OLFM2: variants seen among roughly 807,000 people sequenced by gnomAD.
The protein encoded by OLFM2 is noelin-2.
In OLFM2, 20 loss-of-function variants were observed where a neutral mutation model predicts 43.9. That is an observed-to-expected ratio of 0.46 (90% CI 0.32 to 0.66). The LOEUF (loss-of-function observed/expected upper bound fraction) is 0.66, where lower values mean the gene tolerates loss of function less well. Among genes scored for constraint, OLFM2 ranks in the 30% least tolerant of loss-of-function variants. OLFM2 has a pLI of 0.04. For synonymous variants in OLFM2, 268 were observed against 278.6 expected (o/e 0.96, Z 0.38); for missense variants, 416 against 643.6 (o/e 0.65, Z 3.83).
chr19:9,918,629 G>A (rs1006741274), intron 1 of OLFM2, among the ~76,000 whole-genome samples: 2 of 152,166 alleles, frequency 1.3e-5, no homozygotes, highest in Non-Finnish European at 2.9e-5. Flanking sequence ...CCCATCAACT[G>A]GTGAGTGAAT....
intron 1 of OLFM2, among the ~76,000 whole-genome samples, chr19:9,876,211 A>AGGGGTT (rs1053310838): frequency 1.3e-5 from 2 of 152,152 alleles, no homozygotes; most frequent in African/African-American, 4.8e-5. Context: ...CGCCCGTGGT[A>AGGGGTT]GGGGCTGGGG....
intron 1 of OLFM2, among the ~76,000 whole-genome samples, chr19:9,861,205 T>G (rs1285729974): frequency 6.7e-6 from 1 of 148,836 alleles, no homozygotes; most frequent in South Asian, 2.1e-4. Context: ...CACTTAATGT[T>G]TTTTTTTTTT....
chr19:9,924,247 T>C (rs1347320516), intron 1 of OLFM2, among the ~76,000 whole-genome samples: 2 of 143,462 alleles, frequency 1.4e-5, no homozygotes, highest in Admixed American at 7.1e-5. Context: ...TCTACAAAAA[T>C]ACAAAAAAAT....
chr19:9,902,565 T>G (rs1251784265), intron 1 of OLFM2, among the ~76,000 whole-genome samples: 2 of 151,684 alleles, frequency 1.3e-5, no homozygotes, highest in African/African-American at 4.8e-5. Context: ...ATATTTTGTA[T>G]TTAGTAGAGA....
intron 1 of OLFM2, among the ~76,000 whole-genome samples, chr19:9,898,385 G>A (rs966195051): frequency 1.3e-5 from 2 of 151,880 alleles, no homozygotes; most frequent in African/African-American, 4.8e-5. Context: ...AGCTGGGTGT[G>A]GTGGCGGGCG....
At chr19:9,897,246 T>G (rs2046693731) in intron 1 of OLFM2, among the ~76,000 whole-genome samples, 1 of 151,298 alleles carries the variant, frequency 6.6e-6, no homozygotes, top group Non-Finnish European at 1.5e-5. Context: ...GGAGAATCAC[T>G]TGAACCCAGA....
intron 1 of OLFM2, among the ~76,000 whole-genome samples, chr19:9,873,432 G>A (rs994086518): frequency 1.3e-5 from 2 of 152,042 alleles, no homozygotes; most frequent in African/African-American, 4.8e-5. Flanking sequence ...GTGTTTACAG[G>A]CGTGAGCCAT....
intron 1 of OLFM2, among the ~76,000 whole-genome samples, chr19:9,873,061 G>A (rs760251718): frequency 6.6e-6 from 1 of 152,196 alleles, no homozygotes; most frequent in Non-Finnish European, 1.5e-5. Flanking sequence ...GGAAAACTGA[G>A]ATACAGAGAA....
At chr19:9,875,159 T>C (rs1226897229) in intron 1 of OLFM2, among the ~76,000 whole-genome samples, 1 of 152,228 alleles carries the variant, frequency 6.6e-6, no homozygotes, top group Non-Finnish European at 1.5e-5. Flanking sequence ...TGATCCTTTC[T>C]TTGTAGACAT....
At chr19:9,870,234 A>G (rs1599470862) in intron 1 of OLFM2, among the ~76,000 whole-genome samples, 2 of 152,052 alleles carry the variant, frequency 1.3e-5, no homozygotes, top group Admixed American at 1.3e-4. Flanking sequence ...CTGCCCTGCT[A>G]TTATTATCTT....
chr19:9,864,258 G>T (rs1001967639), intron 1 of OLFM2, among the ~76,000 whole-genome samples: 58 of 152,176 alleles, frequency 3.8e-4, no homozygotes, highest in African/African-American at 1.4e-3. Context: ...GTTGTCCACA[G>T]CAGCAACCTG....
chr19:9,917,949 G>C (rs774772027), intron 1 of OLFM2, among the ~76,000 whole-genome samples: 3 of 152,096 alleles, frequency 2.0e-5, no homozygotes, highest in Non-Finnish European at 2.9e-5. Flanking sequence ...TGAAATCTCT[G>C]CTCACTGCAA....
At chr19:9,878,260 A>G (rs1379710588) in intron 1 of OLFM2, among the ~76,000 whole-genome samples, 1 of 152,180 alleles carries the variant, frequency 6.6e-6, no homozygotes, top group East Asian at 1.9e-4. Context: ...TATGGAATAA[A>G]AATAAGCAAA....
At chr19:9,918,195 CTTTTT>C (rs889445356) in intron 1 of OLFM2, among the ~76,000 whole-genome samples, 1 of 146,944 alleles carries the variant, frequency 6.8e-6, no homozygotes, top group Non-Finnish European at 1.5e-5. Context: ...GTTCTTTTAT[CTTTTT>C]TTTTAAGGCG....
intron 1 of OLFM2, among the ~76,000 whole-genome samples, chr19:9,912,687 G>A (rs2046836853): frequency 6.6e-6 from 1 of 152,000 alleles, no homozygotes; most frequent in Admixed American, 6.6e-5. Context: ...GGAAGCTGGA[G>A]GATAAAGCCT....
chr19:9,890,120 C>T (rs1803073538), intron 1 of OLFM2, among the ~76,000 whole-genome samples: 1 of 152,086 alleles, frequency 6.6e-6, no homozygotes, highest in African/African-American at 2.4e-5. Context: ...CTGGGCTCCC[C>T]TCTTCCAAGC....
At chr19:9,920,073 G>A (rs957076009) in intron 1 of OLFM2, among the ~76,000 whole-genome samples, 2 of 151,830 alleles carry the variant, frequency 1.3e-5, no homozygotes, top group African/African-American at 4.8e-5. Flanking sequence ...CAAAGTGCTA[G>A]GATTACAGCT....
At chr19:9,913,772 AG>A (rs1239701593) in intron 1 of OLFM2, 19 of 489,538 alleles carry the variant, frequency 3.9e-5, no homozygotes, top group Non-Finnish European at 4.5e-5. Flanking sequence ...GGACGGGGTG[AG>A]GGGGGGCTCG....
intron 1 of OLFM2, among the ~76,000 whole-genome samples, chr19:9,932,179 G>A (rs2086486560): frequency 6.6e-6 from 1 of 150,736 alleles, no homozygotes; most frequent in Non-Finnish European, 1.5e-5. Flanking sequence ...GAAAAATATG[G>A]CCGGGCGTGG....
Sources: gnomAD v4.1 joint callset for allele counts (sites outside exome capture counted in the v4.1 genomes callset) on GRCh38, gnomAD v4.1.1 for gene constraint, MANE v1.5 for transcripts, NCBI Gene and HGNC (gene_info 2026-07-23, HGNC 2026-07-21) for gene names.